USP37: variants seen among roughly 807,000 people sequenced by gnomAD.
The protein encoded by USP37 is ubiquitin carboxyl-terminal hydrolase 37.
A neutral mutation model predicts 124.0 loss-of-function variants in USP37; 27 were observed. The ratio of observed to expected loss-of-function variants is 0.22; its 90% CI spans 0.16 to 0.30. The LOEUF (loss-of-function observed/expected upper bound fraction) is 0.30. USP37 is among the 10% of genes least tolerant of loss of function. The pLI is 1.00. For synonymous variants in USP37, 365 were observed against 388.0 expected (o/e 0.94, Z 0.70); for missense variants, 889 against 1,140.4 (o/e 0.78, Z 3.17).
chr2:218,498,877 T>C (rs1378241237), intron 11 of USP37, among the ~76,000 whole-genome samples: 1 of 152,238 alleles, frequency 6.6e-6, no homozygotes, highest in Non-Finnish European at 1.5e-5. Flanking sequence ...AAATATAACT[T>C]ATTCATTTCT....
chr2:218,514,757 A>G (rs1690183876), intron 10 of USP37, among the ~76,000 whole-genome samples: 1 of 152,232 alleles, frequency 6.6e-6, no homozygotes, highest in Non-Finnish European at 1.5e-5. Context: ...TTATTACTGC[A>G]GTATTTGATT....
In USP37 at chr2:218,493,357, C is replaced by T. The variant is rs564311344; in HGVS notation, c.1472+2403G>A. 2.5e-4 allele frequency among the ~76,000 whole-genome samples: 38 copies of T among 152,318 alleles called. No individual in the cohort carries two copies. The South Asian group carries it at 7.5e-3, about 30-fold the overall frequency. On this transcript the variant is annotated intron_variant, in intron 14 of 25. Coordinates refer to ENST00000258399, the MANE Select transcript of USP37 (RefSeq NM_020935.3). ...GTGTGCCTATATCCCATGACCCATG[C>T]CATTTATTGCATTGATGCACATACC...
chr2:218,528,502 T>C (rs1188333911), intron 10 of USP37: 3 of 193,770 alleles, frequency 1.5e-5, no homozygotes, highest in Non-Finnish European at 3.1e-5. Context: ...CAACATCCAC[T>C]TATGAGTAAG....
At chr2:218,485,771 G>A (rs1477646753) in intron 15 of USP37, 28 bp from the exon 16 acceptor site, 3 of 1,591,716 alleles carry the variant, frequency 1.9e-6, no homozygotes, top group Non-Finnish European at 2.6e-6. Flanking sequence ...AATAAAGCAT[G>A]AAGGTGAATC....
intron 16 of USP37, among the ~76,000 whole-genome samples, chr2:218,482,992 C>A (rs1304054557): frequency 6.6e-6 from 1 of 152,104 alleles, no homozygotes; most frequent in Non-Finnish European, 1.5e-5. Context: ...GTTCTAGGCA[C>A]ACACACAAAA....
intron 11 of USP37, among the ~76,000 whole-genome samples, chr2:218,505,027 T>G (rs1350190267): frequency 2.0e-5 from 3 of 152,112 alleles, no homozygotes; most frequent in African/African-American, 4.8e-5. Context: ...AAAAAAAATT[T>G]GGGGGGAAAT....
Position 218,562,748 on chromosome 2 carries a change from G to C in USP37, c.-164C>G, listed in dbSNP as rs1402740611. The C allele has an allele frequency of 5.0e-6, 2 of 398,468 alleles. No individual in the cohort carries two copies. Among genetic ancestry groups the C allele is most frequent in the Non-Finnish European group, 8.8e-6 (2 of 226,072 alleles). 24.7% of individuals were successfully genotyped at this position (398,468 alleles called of 1,614,324 possible). On this transcript the variant is annotated 5_prime_UTR_variant, in exon 2 of 26. Transcript: ENST00000258399. ...TTCTGATCCTTGTGCCAAAGGCAAA[G>C]CACTCTTCTTGGGACACTACTCATA...
chr2:218,549,097 A>C (rs1692525935), intron 6 of USP37, among the ~76,000 whole-genome samples: 2 of 152,202 alleles, frequency 1.3e-5, no homozygotes, highest in Admixed American at 6.5e-5. Flanking sequence ...AAGAAGAATA[A>C]GAAATCTCAA....
intron 18 of USP37, 27 bp from the exon 19 acceptor site, chr2:218,477,008 C>T: frequency 6.8e-7 from 1 of 1,460,120 alleles, no homozygotes; most frequent in Non-Finnish European, 9.1e-7. Context: ...AAAAAAAAAG[C>T]CTGATAAACA....
At chr2:218,497,059 G>A (rs964666667) in intron 13 of USP37, among the ~76,000 whole-genome samples, 2 of 151,806 alleles carry the variant, frequency 1.3e-5, no homozygotes, top group Non-Finnish European at 2.9e-5. Flanking sequence ...TTTCTTACAC[G>A]TTATTTATTT....
At chr2:218,543,785 A>G (rs1692135773) in intron 8 of USP37, among the ~76,000 whole-genome samples, 2 of 151,884 alleles carry the variant, frequency 1.3e-5, no homozygotes, top group Non-Finnish European at 2.9e-5. Context: ...CAGCCTGGGC[A>G]ACACAGCGAG....
chr2:218,507,084 G>T (rs1689723307), intron 11 of USP37, among the ~76,000 whole-genome samples: 1 of 151,150 alleles, frequency 6.6e-6, no homozygotes, highest in Non-Finnish European at 1.5e-5. Flanking sequence ...AGGTGTGAGT[G>T]GTGCCTGGAT....
At chr2:218,538,655 T>C (rs1691795669) in intron 8 of USP37, among the ~76,000 whole-genome samples, 1 of 152,184 alleles carries the variant, frequency 6.6e-6, no homozygotes, top group South Asian at 2.1e-4. Flanking sequence ...GGCTGCTGAA[T>C]GTCCAGTTGG....
chr2:218,459,143 G>A (rs1055840236), intron 23 of USP37, among the ~76,000 whole-genome samples: 2 of 151,464 alleles, frequency 1.3e-5, no homozygotes, highest in African/African-American at 2.4e-5. Flanking sequence ...TTTTCAGTGA[G>A]GAACAACCGT....
chr2:218,453,397 G>GT lies in USP37; in HGVS notation c.*1532dup, dbSNP rs1689546572. ...CTCATGTGATGGTGGGTTTTTAAATGTTTTTTCCTTCTGAAAACCTGATGT... is the reference window on the plus strand; with the variant it reads ...CTCATGTGATGGTGGGTTTTTAAATGTTTTTTTCCTTCTGAAAACCTGATGT... On this transcript the variant is annotated 3_prime_UTR_variant, in exon 26 of 26. Coordinates refer to ENST00000258399, the MANE Select transcript of USP37 (RefSeq NM_020935.3). 6.6e-6 allele frequency: 1 copy of GT among 151,918 alleles called. No individual in the cohort carries two copies. Among genetic ancestry groups the GT allele is most frequent in the African/African-American group, 2.4e-5 (1 of 41,328 alleles). The allele number at this position is 151,918 out of a possible 1,614,324, so 9.4% of individuals were successfully genotyped here. A position where few individuals can be genotyped will look rare whatever the true frequency, so the allele number is the denominator to read the frequency against.
chr2:218,473,985 TG>T (rs1690831972), intron 20 of USP37, among the ~76,000 whole-genome samples: 1 of 152,196 alleles, frequency 6.6e-6, no homozygotes, highest in Admixed American at 6.5e-5. Context: ...TGTAGGCAAC[TG>T]TAACACAATG....
intron 1 of USP37, among the ~76,000 whole-genome samples, chr2:218,564,862 T>G (rs1308832735): frequency 6.6e-6 from 1 of 152,172 alleles, no homozygotes; most frequent in Non-Finnish European, 1.5e-5. Flanking sequence ...CCATTTTAAA[T>G]TCCCTATTTT....
At chr2:218,525,548 A>G (rs974827554) in intron 10 of USP37, among the ~76,000 whole-genome samples, 1 of 152,214 alleles carries the variant, frequency 6.6e-6, no homozygotes, top group Admixed American at 6.5e-5. Flanking sequence ...AGCTAGGTAT[A>G]GAAGTTTTTG....
At chr2:218,472,155 G>T (rs964166324) in intron 20 of USP37, among the ~76,000 whole-genome samples, 2 of 151,958 alleles carry the variant, frequency 1.3e-5, no homozygotes, top group South Asian at 4.1e-4. Context: ...AACTTCTTAC[G>T]TAGCAGCTTA....
Sources: allele counts gnomAD v4.1 joint callset (sites outside exome capture counted in the v4.1 genomes callset), GRCh38; gene constraint gnomAD v4.1.1; transcripts MANE v1.5; gene names NCBI Gene and HGNC (gene_info 2026-07-23, HGNC 2026-07-21).